Variants in MYLK observed in about 807,000 individuals in gnomAD.
The protein encoded by MYLK is myosin light chain kinase, also known as myosin light chain kinase, smooth muscle.
MYLK carries 106 observed loss-of-function variants against 203.4 expected under a neutral mutation model. The ratio of observed to expected loss-of-function variants is 0.52; its 90% CI spans 0.45 to 0.61. The LOEUF (loss-of-function observed/expected upper bound fraction) is 0.61. Among genes scored for constraint, MYLK ranks in the 20% least tolerant of loss-of-function variants. The pLI, the probability that MYLK is intolerant of heterozygous loss-of-function variation, is 0.00. For synonymous variants in MYLK, 867 were observed against 959.5 expected, an observed-to-expected ratio of 0.90 and a Z score of 1.78; for missense variants, 2,072 against 2,442.3, an observed-to-expected ratio of 0.85 and a Z score of 3.20.
intron 4 of MYLK, among the ~76,000 whole-genome samples, 199 bp downstream of exon 4, chr3:123,793,477 AC>A (rs1196950505): frequency 2.0e-5 from 3 of 151,934 alleles, no homozygotes; most frequent in African/African-American, 7.3e-5. Flanking sequence ...CGTCCTCCCC[AC>A]CCCCAAGTTC....
intron 10 of MYLK, 110 bp from the exon 11 acceptor site, chr3:123,733,212 G>A (rs879567425): frequency 9.1e-6 from 11 of 1,215,154 alleles, no homozygotes; most frequent in Non-Finnish European, 1.3e-5. Context: ...GTTTGGTGTG[G>A]AGCTGCCCTC....
At chr3:123,709,691 G>A (rs1243083954) in intron 14 of MYLK, 65 bp downstream of exon 14, 1 of 1,603,938 alleles carries the variant, frequency 6.2e-7, no homozygotes, top group African/African-American at 1.3e-5. Context: ...TCCTCGGAGA[G>A]CAATACCCAT....
chr3:123,789,777 C>T (rs1201719338), intron 4 of MYLK, among the ~76,000 whole-genome samples: 1 of 151,984 alleles, frequency 6.6e-6, no homozygotes, highest in Admixed American at 6.6e-5. Flanking sequence ...TGTTGACTTC[C>T]TCTCATAAAC....
intron 2 of MYLK, among the ~76,000 whole-genome samples, chr3:123,864,638 A>G (rs1467801809): frequency 6.6e-6 from 1 of 152,208 alleles, no homozygotes; most frequent in South Asian, 2.1e-4. Context: ...TAGTCCCTAC[A>G]AAGTAAGAGT....
At chr3:123,726,124 T>C in intron 11 of MYLK, 46 bp from the exon 12 acceptor site, 1 of 1,612,068 alleles carries the variant, frequency 6.2e-7, no homozygotes, top group South Asian at 1.1e-5. Flanking sequence ...GCTTGCCCAC[T>C]CTGGTGATGC....
chr3:123,820,644 C>CTCCTTCCTTCCTTCCTTCCCTCCT (rs2065898773), intron 3 of MYLK, among the ~76,000 whole-genome samples: 1 of 26,066 alleles, frequency 3.8e-5, no homozygotes, highest in African/African-American at 1.0e-4. Context: ...CCTTCCTTCC[C>CTCCTTCCTTCCTTCCTTCCCTCCT]TCCTTCCTTC....
chr3:123,861,792 G>A (rs996571133), intron 2 of MYLK, among the ~76,000 whole-genome samples: 1 of 152,152 alleles, frequency 6.6e-6, no homozygotes, highest in Non-Finnish European at 1.5e-5. Context: ...AGAGTGGACT[G>A]GACTCAAAAT....
At chr3:123,663,179 G>A (rs756527194) in intron 23 of MYLK, among the ~76,000 whole-genome samples, 19 of 152,188 alleles carry the variant, frequency 1.2e-4, no homozygotes, top group Non-Finnish European at 2.2e-4. Flanking sequence ...GCGGGAGACT[G>A]GTTAGAAAAC....
intron 19 of MYLK, among the ~76,000 whole-genome samples, chr3:123,690,021 T>C (rs934522264): frequency 1.3e-5 from 2 of 152,184 alleles, no homozygotes; most frequent in African/African-American, 4.8e-5. Flanking sequence ...TGGCCTCAGA[T>C]GTATGGTCTC....
intron 23 of MYLK, among the ~76,000 whole-genome samples, chr3:123,662,824 G>T (rs1473915910): frequency 1.3e-5 from 2 of 152,140 alleles, no homozygotes; most frequent in Admixed American, 1.3e-4. Context: ...TCTAGTGGGG[G>T]CATCTGGGCC....
intron 3 of MYLK, among the ~76,000 whole-genome samples, chr3:123,805,123 C>T (rs983332740): frequency 7.9e-5 from 12 of 152,136 alleles, no homozygotes; most frequent in African/African-American, 2.4e-4. Flanking sequence ...ATGGTTGACT[C>T]GAGCTTCCAT....
intron 18 of MYLK, chr3:123,699,037 C>T (rs2061056348): frequency 1.3e-5 from 2 of 152,396 alleles, no homozygotes; most frequent in Non-Finnish European, 2.9e-5. Context: ...GGTGAAATGT[C>T]ACTTCCTGGG....
At chr3:123,659,347 T>G (rs1422021983) in intron 23 of MYLK, among the ~76,000 whole-genome samples, 4 of 152,194 alleles carry the variant, frequency 2.6e-5, no homozygotes, top group Admixed American at 1.3e-4. Flanking sequence ...GAAATGGGTG[T>G]TGCAGAAGAG....
In MYLK at chr3:123,707,679, G is replaced by T. The variant is rs2061515237; in HGVS notation, c.2390+75C>A. ...ACATCAGTTTGTGCTTCTTCTGGCTGCCCAGACCCAGGTTAGGGGAGCTAG... is the reference window on the plus strand; with the variant it reads ...ACATCAGTTTGTGCTTCTTCTGGCTTCCCAGACCCAGGTTAGGGGAGCTAG... On this transcript the variant is annotated intron_variant, in intron 16 of 33. Transcript: ENST00000360304. 3 of 1,609,368 alleles carry T rather than the reference G, an allele frequency of 1.9e-6. No homozygotes were observed. In the East Asian group the frequency reaches 6.7e-5, roughly 36 times the overall value.
intron 4 of MYLK, among the ~76,000 whole-genome samples, chr3:123,780,785 A>G (rs1261529081): frequency 6.6e-6 from 1 of 152,238 alleles, no homozygotes; most frequent in Non-Finnish European, 1.5e-5. Flanking sequence ...GTCTGACTGA[A>G]TATCTACCAC....
chr3:123,699,874 C>T, intron 18 of MYLK, 146 bp downstream of exon 18: 1 of 1,065,530 alleles, frequency 9.4e-7, no homozygotes, highest in African/African-American at 1.6e-5. Flanking sequence ...CGCGGCCCTC[C>T]TACCCAGCAG....
At chr3:123,776,837 G>A (rs556864124) in intron 4 of MYLK, among the ~76,000 whole-genome samples, 1 of 152,356 alleles carries the variant, frequency 6.6e-6, no homozygotes, top group Non-Finnish European at 1.5e-5. Context: ...TAAAGGATGG[G>A]ATTGAATTAA....
At chr3:123,838,990 G>A (rs904896613) in intron 2 of MYLK, among the ~76,000 whole-genome samples, 1 of 152,164 alleles carries the variant, frequency 6.6e-6, no homozygotes, top group African/African-American at 2.4e-5. Flanking sequence ...AGCTACTTGG[G>A]AGGCTGAGGC....
In MYLK at chr3:123,700,577, T is replaced by C; in HGVS notation, c.2891A>G (p.Lys964Arg). 4 of 1,613,746 alleles carry C rather than the reference T, an allele frequency of 2.5e-6. No homozygotes were observed. Among genetic ancestry groups the C allele is most frequent in the Non-Finnish European group, 2.5e-6 (3 of 1,179,940 alleles). ...RSVLAKKGTS[K>R]TPVPEKVPPP... ...TGGCACCTTCTCAGGCACGGGGGTC[T>C]TGGAAGTCCCCTTCTTGGCCAGGAC... Residue 964 changes from lysine (K) to arginine (R), a missense_variant, in exon 18 of 34, where the codon AAG (lysine) becomes AGG (arginine). Coordinates refer to ENST00000360304, the MANE Select transcript of MYLK (RefSeq NM_053025.4).
Sources: gnomAD v4.1 joint callset for allele counts (sites outside exome capture counted in the v4.1 genomes callset) on GRCh38, gnomAD v4.1.1 for gene constraint, MANE v1.5 for transcripts, NCBI Gene and HGNC (gene_info 2026-07-23, HGNC 2026-07-21) for gene names.